The following KCNMA1 variants were observed in gnomAD, a reference collection of about 807,000 sequenced individuals.
KCNMA1 encodes potassium calcium-activated channel subfamily M alpha 1.
KCNMA1 carries 29 observed loss-of-function variants against 140.0 expected under a neutral mutation model. The ratio of observed to expected loss-of-function variants is 0.21; its 90% CI spans 0.15 to 0.28. The LOEUF is 0.28. Ranked by LOEUF, KCNMA1 falls within the 10% of genes least tolerant of loss-of-function variation. The pLI is 1.00. For missense variants in KCNMA1, 880 were observed against 1,602.2 expected (o/e 0.55, Z 7.70); for synonymous variants, 612 against 611.9 (o/e 1.00, Z 0.00).
chr10:77,343,168 T>C (rs1468787369), intron 2 of KCNMA1, among the ~76,000 whole-genome samples: 2 of 151,572 alleles, frequency 1.3e-5, no homozygotes, highest in African/African-American at 2.4e-5. Flanking sequence ...CTGAAGGGGG[T>C]CGGGGGGTTA....
Position 76,932,597 on chromosome 10 carries a change from T to A in KCNMA1, c.2902+12176A>T, listed in dbSNP as rs190749351. 1.4e-3 allele frequency among the ~76,000 whole-genome samples: 213 copies of A among 152,282 alleles called. 1 individual carries two copies. The highest frequency in any genetic ancestry group is 5.0e-3 in the African/African-American group (208 of 41,556). On this transcript the variant is annotated intron_variant, in intron 23 of 27. Coordinates refer to ENST00000286628, the MANE Select transcript of KCNMA1 (RefSeq NM_001161352.2). The stretch of plus-strand genomic sequence containing the variant: ...ATTCATACACTGATCCCTCGGTGTT[T>A]TGGGGTGGGGTCATTTAATATATAG...
intron 14 of KCNMA1, among the ~76,000 whole-genome samples, chr10:77,059,704 C>T (rs1052364168): frequency 6.6e-6 from 1 of 152,042 alleles, no homozygotes; most frequent in Non-Finnish European, 1.5e-5. Flanking sequence ...GGAAGGAACT[C>T]CCTCAACCTC....
chr10:76,947,852 C>CT (rs2064687183), intron 22 of KCNMA1, among the ~76,000 whole-genome samples: 1 of 152,130 alleles, frequency 6.6e-6, no homozygotes, highest in African/African-American at 2.4e-5. Context: ...CTTGTGTGTT[C>CT]TTTAATGAAT....
At chr10:77,111,371 CAA>C (rs1422358689) in intron 7 of KCNMA1, among the ~76,000 whole-genome samples, 1 of 152,208 alleles carries the variant, frequency 6.6e-6, no homozygotes, top group Non-Finnish European at 1.5e-5. Context: ...GCCATTTTCA[CAA>C]AAGTTTCCTG....
intron 2 of KCNMA1, among the ~76,000 whole-genome samples, chr10:77,387,859 C>T (rs185449010): frequency 7.1e-4 from 108 of 152,298 alleles, no homozygotes; most frequent in Admixed American, 1.6e-3. Flanking sequence ...CTCAAGTGAT[C>T]CACCTGCCTT....
chr10:77,297,711 A>G (rs1220527873), intron 2 of KCNMA1, among the ~76,000 whole-genome samples: 1 of 152,208 alleles, frequency 6.6e-6, no homozygotes, highest in Non-Finnish European at 1.5e-5. Context: ...CTATGAAAGG[A>G]AGGGGAGAAG....
intron 5 of KCNMA1, among the ~76,000 whole-genome samples, chr10:77,165,478 AAT>A (rs1459276539): frequency 2.6e-5 from 4 of 152,234 alleles, no homozygotes; most frequent in African/African-American, 9.6e-5. Context: ...AGATCATTTC[AAT>A]ATTTCTTTTA....
At chr10:77,594,321 C>A (rs986270612) in intron 1 of KCNMA1, among the ~76,000 whole-genome samples, 8 of 152,134 alleles carry the variant, frequency 5.3e-5, no homozygotes, top group Admixed American at 1.3e-4. Context: ...ATAGAAGAAG[C>A]ACTCCAGCCA....
chr10:77,228,522 A>C (rs2052371489), intron 3 of KCNMA1, among the ~76,000 whole-genome samples: 1 of 152,200 alleles, frequency 6.6e-6, no homozygotes. Flanking sequence ...ACTGCTAAAG[A>C]GGCTTGCCAG....
chr10:77,314,152 G>A (rs1349541466), intron 2 of KCNMA1: 1 of 152,176 alleles, frequency 6.6e-6, no homozygotes, highest in Non-Finnish European at 1.5e-5. Flanking sequence ...TGTACTTGCA[G>A]GGCATGAGTG....
chr10:77,028,902 T>G (rs4980123), intron 15 of KCNMA1, among the ~76,000 whole-genome samples: 33,234 of 152,010 alleles, frequency 0.22, 3,825 homozygotes, highest in African/African-American at 0.28. Flanking sequence ...GCTTAAAGAT[T>G]TTCAGAGTAA....
chr10:76,947,881 T>C lies in KCNMA1; in HGVS notation c.2709+1261A>G, dbSNP rs894342584. 2.0e-5 allele frequency among the ~76,000 whole-genome samples: 3 copies of C among 152,228 alleles called. No individual in the cohort carries two copies. The East Asian group carries it at 5.8e-4, about 29-fold the overall frequency. Reference sequence around the variant, plus strand: ...AATGAATTATATTACTTGGCTCTTTTTCCCCCCATTTCTGAGGTTTTGGAA... The same window carrying C: ...AATGAATTATATTACTTGGCTCTTTCTCCCCCCATTTCTGAGGTTTTGGAA... On this transcript the variant is annotated intron_variant, in intron 22 of 27. Coordinates refer to ENST00000286628, the MANE Select transcript of KCNMA1 (RefSeq NM_001161352.2).
At chr10:77,197,584 C>T (rs550617023) in intron 3 of KCNMA1, among the ~76,000 whole-genome samples, 1 of 152,202 alleles carries the variant, frequency 6.6e-6, no homozygotes, top group Non-Finnish European at 1.5e-5. Flanking sequence ...AAGCCTCAGG[C>T]CCAGTGCTTC....
At chr10:77,493,346 G>A (rs1191505324) in intron 1 of KCNMA1, among the ~76,000 whole-genome samples, 5 of 152,244 alleles carry the variant, frequency 3.3e-5, no homozygotes, top group African/African-American at 1.2e-4. Flanking sequence ...GGGCCTGGTG[G>A]TTCGGATGGC....
Position 77,343,983 on chromosome 10 carries a change from C to T in KCNMA1, c.540+59879G>A, listed in dbSNP as rs181988566. 1.2e-3 allele frequency among the ~76,000 whole-genome samples: 179 copies of T among 152,338 alleles called. 1 individual carries two copies. Among genetic ancestry groups the T allele is most frequent in the African/African-American group, 4.2e-3 (173 of 41,576 alleles). On this transcript the variant is annotated intron_variant, in intron 2 of 27. Coordinates refer to ENST00000286628, the MANE Select transcript of KCNMA1 (RefSeq NM_001161352.2). ...CACTCATGGGCCTAGGCATCAGAAGCTCCGCCATCTTGCACTGCAACCCTG... is the reference window on the plus strand; with the variant it reads ...CACTCATGGGCCTAGGCATCAGAAGTTCCGCCATCTTGCACTGCAACCCTG...
At chr10:77,093,088 A>G (rs2096852167) in intron 9 of KCNMA1, among the ~76,000 whole-genome samples, 1 of 152,236 alleles carries the variant, frequency 6.6e-6, no homozygotes, top group South Asian at 2.1e-4. Flanking sequence ...AATGCTGGCA[A>G]GAGTGAGGAG....
chr10:77,622,973 G>C (rs1389947829), intron 1 of KCNMA1, among the ~76,000 whole-genome samples: 3 of 152,222 alleles, frequency 2.0e-5, no homozygotes, highest in Admixed American at 2.0e-4. Flanking sequence ...AGGTCAGGAA[G>C]TAAAAAGGAA....
chr10:77,492,864 A>G (rs1188365821), intron 1 of KCNMA1, among the ~76,000 whole-genome samples: 1 of 152,230 alleles, frequency 6.6e-6, no homozygotes, highest in Non-Finnish European at 1.5e-5. Flanking sequence ...AGTGCCTACA[A>G]TGTGTTATGC....
chr10:77,108,614 C>CA lies in KCNMA1; in HGVS notation c.1132-43dup. The stretch of plus-strand genomic sequence containing the variant: ...CAGAAGAGAGACTAAAAAGACAGGC[C>CA]AAAGAAAAGGGGGGACCTGTTCAGA... On this transcript the variant is annotated intron_variant, in intron 8 of 27. Coordinates refer to ENST00000286628, the MANE Select transcript of KCNMA1 (RefSeq NM_001161352.2). This position sits in a 1 kb window ranked among gnomAD's most constrained non-coding sequence, Gnocchi z 4.6. The CA allele has an allele frequency of 2.0e-6, 3 of 1,479,202 alleles. No individual in the cohort carries two copies. Among genetic ancestry groups the CA allele is most frequent in the Non-Finnish European group, 2.8e-6 (3 of 1,061,282 alleles). 91.6% of individuals were successfully genotyped at this position (1,479,202 alleles called of 1,614,324 possible).
Sources: allele counts gnomAD v4.1 joint callset (sites outside exome capture counted in the v4.1 genomes callset), GRCh38; gene constraint gnomAD v4.1.1; non-coding constraint Gnocchi (gnomAD v3.1); transcripts MANE v1.5; gene names NCBI Gene and HGNC (gene_info 2026-07-23, HGNC 2026-07-21).